The following PCDH9 variants were observed in gnomAD, a reference collection of about 807,000 sequenced individuals.
PCDH9 encodes protocadherin-9.
Under a neutral mutation model 70.6 loss-of-function variants are expected in PCDH9, and 24 were observed. That is an observed-to-expected ratio of 0.34 (90% CI 0.25 to 0.48). PCDH9 has a LOEUF of 0.48. Among genes scored for constraint, PCDH9 ranks in the 20% least tolerant of loss-of-function variants. The pLI is 0.99. For synonymous variants in PCDH9, 562 were observed against 558.5 expected (o/e 1.01, Z -0.09); for missense variants, 1,281 against 1,503.6 (o/e 0.85, Z 2.45).
intron 4 of PCDH9, among the ~76,000 whole-genome samples, chr13:66,423,044 A>G (rs1957597289): frequency 6.6e-6 from 1 of 152,108 alleles, no homozygotes; most frequent in Non-Finnish European, 1.5e-5. Context: ...CACAAAATAA[A>G]CTAGAAAATC....
intron 3 of PCDH9, among the ~76,000 whole-genome samples, chr13:66,778,277 TATAATA>T (rs201574363): frequency 6.6e-6 from 1 of 151,734 alleles, no homozygotes; most frequent in Non-Finnish European, 1.5e-5. Flanking sequence ...AAACTTAAAG[TATAATA>T]ATAATAATAA....
chr13:66,469,498 G>T (rs998641598), intron 4 of PCDH9, among the ~76,000 whole-genome samples: 2 of 148,250 alleles, frequency 1.3e-5, no homozygotes, highest in African/African-American at 4.9e-5. Flanking sequence ...TAGAAGGAGG[G>T]AAGAAGGAAG....
intron 4 of PCDH9, among the ~76,000 whole-genome samples, chr13:66,315,804 C>T (rs1955642078): frequency 6.6e-6 from 1 of 152,184 alleles, no homozygotes; most frequent in South Asian, 2.1e-4. Context: ...CTTAACAGGA[C>T]TTGCTTCTTC....
At chr13:66,840,990 G>A (rs937106100) in intron 3 of PCDH9, among the ~76,000 whole-genome samples, 3 of 152,238 alleles carry the variant, frequency 2.0e-5, no homozygotes, top group South Asian at 2.1e-4. Context: ...TACTGAAAAC[G>A]GTACCTCGGT....
chr13:66,988,062 C>T (rs907850600), intron 2 of PCDH9, among the ~76,000 whole-genome samples: 1 of 151,696 alleles, frequency 6.6e-6, no homozygotes, highest in African/African-American at 2.4e-5. Context: ...CTATGGTCAG[C>T]TAATATTTAT....
Position 67,170,757 on chromosome 13 carries a change from G to A in PCDH9, c.3036+54648C>T, listed in dbSNP as rs7333875. Among the ~76,000 whole-genome samples the A allele has an allele frequency of 8.8e-3, 1,331 of 151,898 alleles. 17 individuals are homozygous for A. Among genetic ancestry groups the A allele is most frequent in the African/African-American group, 0.029 (1,196 of 41,436 alleles). Reference sequence around the variant, plus strand: ...CTAGGCAACATGGTGAAACCCTGCCGCTACTAAAAATACAAAAATTAGCTG... The same window carrying A: ...CTAGGCAACATGGTGAAACCCTGCCACTACTAAAAATACAAAAATTAGCTG... On this transcript the variant is annotated intron_variant, in intron 2 of 4. Coordinates refer to ENST00000377865, the MANE Select transcript of PCDH9 (RefSeq NM_203487.3).
At chr13:66,436,781 G>T (rs1957873966) in intron 4 of PCDH9, among the ~76,000 whole-genome samples, 1 of 151,962 alleles carries the variant, frequency 6.6e-6, no homozygotes, top group Admixed American at 6.6e-5. Context: ...ACATACTAAT[G>T]CATTCTTTTT....
At chr13:67,074,085 ATCTGTCTG>A (rs71685729) in intron 2 of PCDH9, among the ~76,000 whole-genome samples, 3 of 147,316 alleles carry the variant, frequency 2.0e-5, no homozygotes, top group African/African-American at 7.5e-5. Context: ...TTTATTATCT[ATCTGTCTG>A]TCTATTATCT....
At chr13:66,982,764 C>G (rs1275906920) in intron 2 of PCDH9, among the ~76,000 whole-genome samples, 1 of 152,150 alleles carries the variant, frequency 6.6e-6, no homozygotes, top group Non-Finnish European at 1.5e-5. Flanking sequence ...AAAGAGAAAA[C>G]AACACCTGGA....
intron 2 of PCDH9, among the ~76,000 whole-genome samples, chr13:67,157,547 G>A (rs2087846861): frequency 6.6e-6 from 1 of 152,154 alleles, no homozygotes; most frequent in African/African-American, 2.4e-5. Flanking sequence ...GGCCTGTGCA[G>A]TGGGTGAACT....
chr13:66,556,836 T>C (rs1490218023), intron 4 of PCDH9, among the ~76,000 whole-genome samples: 7 of 152,032 alleles, frequency 4.6e-5, no homozygotes, highest in Non-Finnish European at 7.4e-5. Flanking sequence ...CATTATTTCA[T>C]AACAAAAAGG....
intron 3 of PCDH9, among the ~76,000 whole-genome samples, chr13:66,751,721 G>A (rs1391442057): frequency 6.6e-6 from 1 of 152,148 alleles, no homozygotes; most frequent in Non-Finnish European, 1.5e-5. Flanking sequence ...TTCAAATGTG[G>A]TGAGTATAAC....
At chr13:67,121,773 G>C (rs1466052046) in intron 2 of PCDH9, among the ~76,000 whole-genome samples, 1 of 152,014 alleles carries the variant, frequency 6.6e-6, no homozygotes, top group Admixed American at 6.5e-5. Flanking sequence ...CAAAAGATTG[G>C]GCACTCTCTG....
intron 2 of PCDH9, among the ~76,000 whole-genome samples, chr13:67,180,369 G>A (rs560870002): frequency 6.6e-6 from 1 of 152,018 alleles, no homozygotes; most frequent in African/African-American, 2.4e-5. Flanking sequence ...CATTTTATAA[G>A]TATTATGAGT....
intron 4 of PCDH9, among the ~76,000 whole-genome samples, chr13:66,322,232 G>T (rs1322832817): frequency 6.6e-6 from 1 of 151,888 alleles, no homozygotes; most frequent in Non-Finnish European, 1.5e-5. Flanking sequence ...TATACCAAGT[G>T]AATGGAGAAA....
chr13:66,941,790 T>C (rs1171047999), intron 2 of PCDH9, among the ~76,000 whole-genome samples: 1 of 151,908 alleles, frequency 6.6e-6, no homozygotes, highest in African/African-American at 2.4e-5. Flanking sequence ...TAAATAGGTA[T>C]GGAAGACTTT....
At chr13:66,668,125 T>C (rs2078121543) in intron 3 of PCDH9, among the ~76,000 whole-genome samples, 1 of 152,170 alleles carries the variant, frequency 6.6e-6, no homozygotes, top group Non-Finnish European at 1.5e-5. Flanking sequence ...TTTGAATTCC[T>C]AGTGGCCTGA....
At chr13:66,964,889 G>A (rs2083406852) in intron 2 of PCDH9, among the ~76,000 whole-genome samples, 1 of 151,820 alleles carries the variant, frequency 6.6e-6, no homozygotes, top group Admixed American at 6.6e-5. Flanking sequence ...TACACACTTT[G>A]TATCTGCCTA....
intron 2 of PCDH9, among the ~76,000 whole-genome samples, chr13:67,111,166 TTTA>T (rs1200562561): frequency 1.3e-5 from 2 of 152,202 alleles, no homozygotes; most frequent in African/African-American, 4.8e-5. Context: ...CATATATATG[TTTA>T]TTTATAATAT....
Sources: gnomAD v4.1 joint callset for allele counts (sites outside exome capture counted in the v4.1 genomes callset) on GRCh38, gnomAD v4.1.1 for gene constraint, MANE v1.5 for transcripts, NCBI Gene and HGNC (gene_info 2026-07-23, HGNC 2026-07-21) for gene names.